PTH1R: variants seen among roughly 807,000 people sequenced by gnomAD.
The protein encoded by PTH1R is parathyroid hormone/parathyroid hormone-related peptide receptor.
Under a neutral mutation model 70.7 loss-of-function variants are expected in PTH1R, and 32 were observed. The ratio of observed to expected loss-of-function variants is 0.45; its 90% CI spans 0.34 to 0.61. The LOEUF is 0.61. PTH1R is among the 20% of genes least tolerant of loss of function. PTH1R has a pLI of 0.01. For synonymous variants in PTH1R, 329 were observed against 324.8 expected, an observed-to-expected ratio of 1.01 and a Z score of -0.14; for missense variants, 626 against 792.5, an observed-to-expected ratio of 0.79 and a Z score of 2.52.
At chr3:46,897,738 AC>A in intron 5 of PTH1R, 116 bp from the exon 6 acceptor site, 1 of 1,002,988 alleles carries the variant, frequency 1.0e-6, no homozygotes, top group Non-Finnish European at 1.5e-6. Flanking sequence ...TCTCAAAAAA[AC>A]AAAACAAAAC....
intron 3 of PTH1R, among the ~76,000 whole-genome samples, chr3:46,887,961 A>T (rs760938087): frequency 6.6e-6 from 1 of 152,124 alleles, no homozygotes; most frequent in Non-Finnish European, 1.5e-5. Context: ...CTAGTAGGAT[A>T]TTTCTAGATT....
Position 46,883,569 on chromosome 3 carries a change from G to A in PTH1R, c.10G>A (p.Ala4Thr). The change falls in exon 3 of 16, where the codon GCC (alanine) becomes ACC (threonine). Residue 4 changes from alanine (A) to threonine (T), a missense_variant. Physicochemically the swap from Ala to Thr is moderately conservative, Grantham distance 58 (BLOSUM62 0). Coordinates refer to ENST00000449590, the MANE Select transcript of PTH1R (RefSeq NM_000316.3). This position sits in a 1 kb window ranked among gnomAD's most constrained non-coding sequence, Gnocchi z 6.4. Reference protein sequence around the residue: MGTARIAPGLALLL... With the variant: MGTTRIAPGLALLL... The stretch of plus-strand genomic sequence containing the variant: ...GCCCTAGGCGGTGGCGATGGGGACC[G>A]CCCGGATCGCACCCGGCCTGGCGCT... 1 of 1,537,372 alleles carries A rather than the reference G, an allele frequency of 6.5e-7. No individual in the cohort carries two copies. The highest frequency in any genetic ancestry group is 8.7e-7 in the Non-Finnish European group (1 of 1,145,914).
At chr3:46,899,279 G>T in intron 9 of PTH1R, 24 bp from the exon 10 acceptor site, 1 of 1,613,666 alleles carries the variant, frequency 6.2e-7, no homozygotes, top group South Asian at 1.1e-5. Context: ...CCTGCCCTCT[G>T]ACTAACACCA....
chr3:46,887,897 T>C (rs2031142119), intron 3 of PTH1R, among the ~76,000 whole-genome samples: 1 of 152,252 alleles, frequency 6.6e-6, no homozygotes, highest in Admixed American at 6.5e-5. Context: ...TGATTCCAGA[T>C]GGTGGCAGGG....
Position 46,901,626 on chromosome 3 carries a change from C to T in PTH1R, c.1117-140C>T. 1 of 1,341,440 alleles carries T rather than the reference C, an allele frequency of 7.5e-7. No homozygotes were observed. The highest frequency in any genetic ancestry group is 1.0e-6 in the Non-Finnish European group (1 of 957,782). The allele number at this position is 1,341,440 out of a possible 1,614,324, so 83.1% of individuals were successfully genotyped here. Reference sequence around the variant, plus strand: ...GCCGGAGGACCAGCTGATCCACACTCCAGCCCAGAAAGGAAAACCAAGGGC... The same window carrying T: ...GCCGGAGGACCAGCTGATCCACACTTCAGCCCAGAAAGGAAAACCAAGGGC... On this transcript the variant is annotated intron_variant, in intron 12 of 15. Transcript: ENST00000449590. This position sits in a 1 kb window ranked among gnomAD's most constrained non-coding sequence, Gnocchi z 7.3.
chr3:46,883,484 G>A lies in PTH1R; in HGVS notation c.-48-28G>A, dbSNP rs2030797750. The A allele has an allele frequency of 1.6e-6, 2 of 1,247,518 alleles. No homozygotes were observed. Among genetic ancestry groups the A allele is most frequent in the East Asian group, 6.4e-5 (2 of 31,468 alleles). 77.3% of individuals were successfully genotyped at this position (1,247,518 alleles called of 1,614,324 possible). A position where few individuals can be genotyped will look rare whatever the true frequency, so the allele number is the denominator to read the frequency against. ...GCGTGGGCGGGGCGGCCAGCCTGAC[G>A]CAGCTCTGCACCCCCTACCACCACC... On this transcript the variant is annotated intron_variant, in intron 2 of 15. Transcript: ENST00000449590. This position sits in a 1 kb window ranked among gnomAD's most constrained non-coding sequence, Gnocchi z 6.4.
rs2030976212 is a variant in PTH1R, at chr3:46,885,719, G to A, written c.75+2085G>A. Among the ~76,000 whole-genome samples, 10 of 152,314 alleles carry A rather than the reference G, an allele frequency of 6.6e-5. 1 individual carries two copies. The South Asian group carries it at 1.9e-3, about 28-fold the overall frequency. On this transcript the variant is annotated intron_variant, in intron 3 of 15. Coordinates refer to ENST00000449590, the MANE Select transcript of PTH1R (RefSeq NM_000316.3). ...CCTGGCTTCGGGGCCAGAAGATTGG[G>A]ACTGAAGGGCGGGGGCAGCCTACTC...
At position 46,878,369 on chromosome 3, in the gene PTH1R, T is replaced by G. The variant is rs139376966; in HGVS notation, c.-106+526T>G. Among the ~76,000 whole-genome samples the G allele has an allele frequency of 3.5e-3, 535 of 152,298 alleles. 9 individuals carry two copies. The highest frequency in any genetic ancestry group is 3.9e-3 in the Non-Finnish European group (267 of 68,022). Reference sequence around the variant, plus strand: ...AGGGGCCTAGAAGCCGAGAGAGGTCTGGGGTTGAGGGCTGGGTGGAGGCAC... The same window carrying G: ...AGGGGCCTAGAAGCCGAGAGAGGTCGGGGGTTGAGGGCTGGGTGGAGGCAC... On this transcript the variant is annotated intron_variant, in intron 1 of 15. Coordinates refer to ENST00000449590, the MANE Select transcript of PTH1R (RefSeq NM_000316.3).
At position 46,882,165 on chromosome 3, in the gene PTH1R, G is replaced by A. The variant is rs2030623124; in HGVS notation, c.-49+1047G>A. The A allele has an allele frequency of 6.6e-6, 1 of 151,406 alleles. No individual in the cohort carries two copies. The highest frequency in any genetic ancestry group is 1.5e-5 in the Non-Finnish European group (1 of 67,736). The allele number at this position is 151,406 out of a possible 1,614,324, so 9.4% of individuals were successfully genotyped here. On this transcript the variant is annotated intron_variant, in intron 2 of 15. Coordinates refer to ENST00000449590, the MANE Select transcript of PTH1R (RefSeq NM_000316.3). The surrounding 1 kb of genome is among the most constrained non-coding windows in gnomAD (Gnocchi z 4.3). ...CTCCTCTCGGCCTCTCCACACTCCC[G>A]CGTCGGCGGCTGCGGAGGGGGTGGG...
intron 10 of PTH1R, among the ~76,000 whole-genome samples, chr3:46,900,653 G>T (rs1267754569): frequency 6.6e-6 from 1 of 152,126 alleles, no homozygotes; most frequent in Non-Finnish European, 1.5e-5. Context: ...AAAAAAAAAT[G>T]CGGAAAATAG....
Position 46,893,751 on chromosome 3 carries a change from C to T in PTH1R, c.76-156C>T, listed in dbSNP as rs2031567528. ...CTTCCCATCTGTAAGGTGTGAGCTC[C>T]ATAGAGCAGATTCCCCACATGCAGG... On this transcript the variant is annotated intron_variant, in intron 3 of 15. Transcript: ENST00000449590. This position sits in a 1 kb window ranked among gnomAD's most constrained non-coding sequence, Gnocchi z 5.2. 6.6e-6 allele frequency among the ~76,000 whole-genome samples: 1 copy of T among 152,194 alleles called. No homozygotes were observed. Among genetic ancestry groups the T allele is most frequent in the African/African-American group, 2.4e-5 (1 of 41,448 alleles).
At chr3:46,888,470 G>C (rs566484042) in intron 3 of PTH1R, among the ~76,000 whole-genome samples, 2 of 152,276 alleles carry the variant, frequency 1.3e-5, no homozygotes, top group African/African-American at 4.8e-5. Context: ...GACACTCCCT[G>C]GTCCAGCCAC....
chr3:46,896,708 T>C lies in PTH1R; in HGVS notation c.313+839T>C, dbSNP rs773006753. On this transcript the variant is annotated intron_variant, in intron 5 of 15. Coordinates refer to ENST00000449590, the MANE Select transcript of PTH1R (RefSeq NM_000316.3). This position sits in a 1 kb window ranked among gnomAD's most constrained non-coding sequence, Gnocchi z 4.1. ...CTGGAGAGTCCTGTGGTTGGAGCCC[T>C]ACAGAGGGAGAGAAGGGGGCTGCAA... 7.1e-4 allele frequency among the ~76,000 whole-genome samples: 108 copies of C among 152,070 alleles called. 1 individual carries two copies. Among genetic ancestry groups the C allele is most frequent in the Non-Finnish European group, 1.5e-4 (10 of 67,988 alleles).
At chr3:46,885,360 G>T (rs1229785930) in intron 3 of PTH1R, among the ~76,000 whole-genome samples, 2 of 152,168 alleles carry the variant, frequency 1.3e-5, no homozygotes, top group Non-Finnish European at 2.9e-5. Flanking sequence ...AAATGCTTCT[G>T]TAGGGCTTTC....
rs1296967489 is a variant in PTH1R at position 46,879,414 on chromosome 3, T to G, written c.-106+1571T>G. Reference sequence around the variant, plus strand: ...GGGGGAAAGCAGGGTGGAAGATCAGTGGTCACAGAACCATAAAACTTAGAG... The same window carrying G: ...GGGGGAAAGCAGGGTGGAAGATCAGGGGTCACAGAACCATAAAACTTAGAG... On this transcript the variant is annotated intron_variant, in intron 1 of 15. Transcript: ENST00000449590. The surrounding 1 kb of genome is among the most constrained non-coding windows in gnomAD (Gnocchi z 4.7). 6.6e-6 allele frequency among the ~76,000 whole-genome samples: 1 copy of G among 152,164 alleles called. No individual in the cohort carries two copies. The highest frequency in any genetic ancestry group is 1.9e-4 in the East Asian group (1 of 5,194).
chr3:46,893,868 C>T lies in PTH1R; in HGVS notation c.76-39C>T, dbSNP rs201994772. The T allele has an allele frequency of 7.2e-5, 115 of 1,599,818 alleles. No homozygotes were observed. The African/African-American group carries it at 1.3e-3, about 17-fold the overall frequency. Reference sequence around the variant, plus strand: ...ATGTCTCTGGGACCTGCTGCTGCGCCGGAAAGTCCTGCCTGTGGTCTGACC... The same window carrying T: ...ATGTCTCTGGGACCTGCTGCTGCGCTGGAAAGTCCTGCCTGTGGTCTGACC... On this transcript the variant is annotated intron_variant, in intron 3 of 15. Transcript: ENST00000449590. The surrounding 1 kb of genome is among the most constrained non-coding windows in gnomAD (Gnocchi z 5.2).
At position 46,893,046 on chromosome 3, in the gene PTH1R, T is replaced by C. The variant is rs2031526789; in HGVS notation, c.76-861T>C. On this transcript the variant is annotated intron_variant, in intron 3 of 15. Coordinates refer to ENST00000449590, the MANE Select transcript of PTH1R (RefSeq NM_000316.3). This position sits in a 1 kb window ranked among gnomAD's most constrained non-coding sequence, Gnocchi z 5.2. ...CTGAGACCCCTCAGCAGCCACCTGC[T>C]CTGGGTGAGCCTCCACCCGCATGAT... Among the ~76,000 whole-genome samples the C allele has an allele frequency of 2.0e-5, 3 of 152,138 alleles. No homozygotes were observed. The highest frequency in any genetic ancestry group is 4.4e-5 in the Non-Finnish European group (3 of 68,024).
chr3:46,896,260 G>A lies in PTH1R; in HGVS notation c.313+391G>A, dbSNP rs532168724. Reference sequence around the variant, plus strand: ...AGACAGAGATCAACAGAGGCAGGGAGAGACAGTCACAGAGATAGAGGGGAC... The same window carrying A: ...AGACAGAGATCAACAGAGGCAGGGAAAGACAGTCACAGAGATAGAGGGGAC... On this transcript the variant is annotated intron_variant, in intron 5 of 15. Transcript: ENST00000449590. This position sits in a 1 kb window ranked among gnomAD's most constrained non-coding sequence, Gnocchi z 4.1. Among the ~76,000 whole-genome samples, 44 of 152,230 alleles carry A rather than the reference G, an allele frequency of 2.9e-4. No individual in the cohort carries two copies. In the South Asian group the frequency reaches 9.1e-3, roughly 32 times the overall value.
rs1205438021 is a variant in PTH1R, at chr3:46,902,890, G to A, written c.1395+100G>A. The stretch of plus-strand genomic sequence containing the variant: ...CATTCTTCCACCCTGTTATTTCTTT[G>A]TTCCTCCAAGAACACCCCTGAGGAC... On this transcript the variant is annotated intron_variant, in intron 15 of 15. Coordinates refer to ENST00000449590, the MANE Select transcript of PTH1R (RefSeq NM_000316.3). The surrounding 1 kb of genome is among the most constrained non-coding windows in gnomAD (Gnocchi z 5.4). The A allele has an allele frequency of 1.3e-6, 2 of 1,519,056 alleles. No homozygotes were observed. The highest frequency in any genetic ancestry group is 1.7e-5 in the Admixed American group (1 of 59,852). The allele number at this position is 1,519,056 out of a possible 1,614,324, so 94.1% of individuals were successfully genotyped here.
Sources: allele counts gnomAD v4.1 joint callset (sites outside exome capture counted in the v4.1 genomes callset), GRCh38; gene constraint gnomAD v4.1.1; non-coding constraint Gnocchi (gnomAD v3.1); transcripts MANE v1.5; gene names NCBI Gene and HGNC (gene_info 2026-07-23, HGNC 2026-07-21).